DIP2C: variants seen among roughly 807,000 people sequenced by gnomAD.
DIP2C encodes DIP2 acetate--CoA ligase C (putative).
In DIP2C, 33 loss-of-function variants were observed where a neutral mutation model predicts 192.4. That is an observed-to-expected ratio of 0.17 (90% CI 0.13 to 0.23). DIP2C has a LOEUF of 0.23. Ranked by LOEUF, DIP2C falls within the 10% of genes least tolerant of loss-of-function variation. DIP2C has a pLI of 1.00. For missense variants in DIP2C, 1,537 were observed against 2,110.1 expected (o/e 0.73, Z 5.32); for synonymous variants, 979 against 864.1 (o/e 1.13, Z -2.33).
chr10:547,023 A>C (rs1210140199), intron 1 of DIP2C, among the ~76,000 whole-genome samples: 1 of 152,218 alleles, frequency 6.6e-6, no homozygotes. Flanking sequence ...GAAGGCCATT[A>C]GTGGAAGAAG....
At chr10:545,450 C>G (rs1400326538) in intron 1 of DIP2C, among the ~76,000 whole-genome samples, 1 of 152,110 alleles carries the variant, frequency 6.6e-6, no homozygotes, top group Non-Finnish European at 1.5e-5. Flanking sequence ...GCCACCACGC[C>G]CAGCCATGAC....
intron 1 of DIP2C, among the ~76,000 whole-genome samples, chr10:658,676 T>G (rs1235291716): frequency 6.6e-6 from 1 of 152,246 alleles, no homozygotes; most frequent in Non-Finnish European, 1.5e-5. Flanking sequence ...TTATGTTTCA[T>G]GTGCAGGAAA....
chr10:391,129 T>C (rs992596188), intron 10 of DIP2C, among the ~76,000 whole-genome samples: 1 of 152,226 alleles, frequency 6.6e-6, no homozygotes, highest in African/African-American at 2.4e-5. Flanking sequence ...AAGTGCTCAG[T>C]GCAGGCTGGC....
intron 1 of DIP2C, among the ~76,000 whole-genome samples, chr10:517,066 T>G (rs1385416327): frequency 1.3e-5 from 2 of 151,806 alleles, no homozygotes; most frequent in Non-Finnish European, 2.9e-5. Flanking sequence ...TCAGGTCTAG[T>G]GGCACAGTCA....
intron 1 of DIP2C, among the ~76,000 whole-genome samples, chr10:487,573 T>TG (rs1844110382): frequency 9.3e-6 from 1 of 107,386 alleles, no homozygotes; most frequent in Non-Finnish European, 2.0e-5. Context: ...GAGTGTTTTT[T>TG]TTTTTTTTTT....
At chr10:587,190 T>C (rs894662384) in intron 1 of DIP2C, among the ~76,000 whole-genome samples, 1 of 151,650 alleles carries the variant, frequency 6.6e-6, no homozygotes, top group African/African-American at 2.4e-5. Context: ...GGGCAAACAG[T>C]GCAGGGTCTA....
chr10:679,393 G>A (rs1293528447), intron 1 of DIP2C, among the ~76,000 whole-genome samples: 3 of 12,898 alleles, frequency 2.3e-4, no homozygotes, highest in Admixed American at 1.1e-3. Context: ...TCCTCCCCGC[G>A]CCCATGCTCC....
intron 1 of DIP2C, chr10:667,766 A>G (rs1255148197): frequency 6.6e-6 from 1 of 152,320 alleles, no homozygotes; most frequent in Non-Finnish European, 1.5e-5. Flanking sequence ...AACTCATAAC[A>G]TGCACATACA....
intron 1 of DIP2C, among the ~76,000 whole-genome samples, chr10:500,210 G>A (rs899059071): frequency 4.6e-5 from 7 of 152,240 alleles, no homozygotes; most frequent in South Asian, 2.1e-4. Flanking sequence ...GCTCATCAGC[G>A]TCTGGGGCAA....
intron 26 of DIP2C, among the ~76,000 whole-genome samples, chr10:347,757 A>ACACC (rs1245716955): frequency 9.9e-6 from 1 of 100,840 alleles, no homozygotes; most frequent in East Asian, 3.2e-4. Flanking sequence ...AACCCTACAT[A>ACACC]CACCCAACCC....
chr10:419,313 A>G, intron 5 of DIP2C, 114 bp from the exon 6 acceptor site: 1 of 1,479,294 alleles, frequency 6.8e-7, no homozygotes, highest in Non-Finnish European at 9.2e-7. Flanking sequence ...TGGGTGTGCC[A>G]TGGAAAGCCA....
intron 1 of DIP2C, among the ~76,000 whole-genome samples, chr10:583,177 G>A (rs553801070): frequency 2.0e-5 from 3 of 152,282 alleles, no homozygotes; most frequent in Non-Finnish European, 4.4e-5. Flanking sequence ...ACACTCATAG[G>A]AAAAAGAACG....
At chr10:295,145 GA>G (rs1955687505) in intron 32 of DIP2C, among the ~76,000 whole-genome samples, 1 of 151,062 alleles carries the variant, frequency 6.6e-6, no homozygotes, top group African/African-American at 2.4e-5. Context: ...GGAAAATAAA[GA>G]AATAAAAGAA....
chr10:466,025 T>C (rs1312998513), intron 3 of DIP2C, among the ~76,000 whole-genome samples: 4 of 151,568 alleles, frequency 2.6e-5, no homozygotes, highest in Non-Finnish European at 4.4e-5. Flanking sequence ...CTTCACAGAA[T>C]TGGAAAAAAC....
At chr10:340,764 C>T (rs765934116) in intron 29 of DIP2C, 3 of 457,836 alleles carry the variant, frequency 6.6e-6, no homozygotes, top group Middle Eastern at 6.5e-4. Context: ...GAACGCTCAG[C>T]CCTCGTGGAC....
chr10:563,551 G>A (rs1297220762), intron 1 of DIP2C, among the ~76,000 whole-genome samples: 4 of 152,114 alleles, frequency 2.6e-5, no homozygotes, highest in Non-Finnish European at 5.9e-5. Context: ...TTTCCAACTC[G>A]CAGGAAAGCT....
chr10:285,169 A>C (rs978786849), intron 34 of DIP2C, among the ~76,000 whole-genome samples: 28 of 151,856 alleles, frequency 1.8e-4, no homozygotes, highest in African/African-American at 6.0e-4. Flanking sequence ...AAAAAAAAAA[A>C]AACACAAGGC....
At chr10:568,408 G>GA (rs938865680) in intron 1 of DIP2C, among the ~76,000 whole-genome samples, 3 of 152,110 alleles carry the variant, frequency 2.0e-5, no homozygotes, top group Non-Finnish European at 4.4e-5. Context: ...AAAAAGAAAC[G>GA]AATCATCCAA....
intron 29 of DIP2C, among the ~76,000 whole-genome samples, chr10:333,353 C>T (rs1957586839): frequency 6.6e-6 from 1 of 152,202 alleles, no homozygotes; most frequent in Admixed American, 6.5e-5. Context: ...GAAAGGGATC[C>T]CGTGTCCATC....
Sources: gnomAD v4.1 joint callset for allele counts (sites outside exome capture counted in the v4.1 genomes callset) on GRCh38, gnomAD v4.1.1 for gene constraint, MANE v1.5 for transcripts, NCBI Gene and HGNC (gene_info 2026-07-23, HGNC 2026-07-21) for gene names.